Variants in KSR2 observed in about 807,000 individuals in gnomAD.
The protein encoded by KSR2 is kinase suppressor of ras 2.
KSR2 carries 25 observed loss-of-function variants against 107.8 expected under a neutral mutation model. The observed-to-expected ratio is 0.23, with a 90% CI of 0.17 to 0.32. The LOEUF (loss-of-function observed/expected upper bound fraction) is 0.32, where lower values mean the gene tolerates loss of function less well. Among genes scored for constraint, KSR2 ranks in the 10% least tolerant of loss-of-function variants. KSR2 has a pLI of 1.00. For missense variants in KSR2, 887 were observed against 1,268.9 expected (o/e 0.70, Z 4.57); for synonymous variants, 480 against 507.0 (o/e 0.95, Z 0.71).
At chr12:117,470,411 G>A (rs141848240) in intron 18 of KSR2, among the ~76,000 whole-genome samples, 97 of 151,502 alleles carry the variant, frequency 6.4e-4, no homozygotes, top group South Asian at 1.9e-3. Context: ...CCATCCATCC[G>A]TTTACCATCC....
chr12:117,633,158 T>C (rs556108536), intron 5 of KSR2, among the ~76,000 whole-genome samples: 115 of 152,370 alleles, frequency 7.5e-4, no homozygotes, highest in African/African-American at 2.7e-3. Flanking sequence ...AACTCCTGCC[T>C]TCATAATGTT....
At position 117,629,548 on chromosome 12, in the gene KSR2, C is replaced by G. The variant is rs564947339; in HGVS notation, c.1171+37926G>C. On this transcript the variant is annotated intron_variant, in intron 5 of 19. Transcript: ENST00000339824. ...TGGTCACAGATTTGATTTTGAGTTT[C>G]CTCGTGATCACAGCAAAAAGGAAAA... Among the ~76,000 whole-genome samples, 5 of 152,272 alleles carry G rather than the reference C, an allele frequency of 3.3e-5. No homozygotes were observed. The South Asian group carries it at 1.0e-3, about 32-fold the overall frequency.
At position 117,469,851 on chromosome 12, in the gene KSR2, T is replaced by G; in HGVS notation, c.2713-56A>C. The G allele has an allele frequency of 1.9e-6, 3 of 1,587,360 alleles. No homozygotes were observed. In the South Asian group the frequency reaches 3.4e-5, roughly 18 times the overall value. ...ATAAATGGTGATTTCTTGATTACTCTTTGGCATCACATTTGGTCTGCCAAT... is the reference window on the plus strand; with the variant it reads ...ATAAATGGTGATTTCTTGATTACTCGTTGGCATCACATTTGGTCTGCCAAT... On this transcript the variant is annotated intron_variant, in intron 18 of 19. Transcript: ENST00000339824.
chr12:117,645,097 G>A (rs972370643), intron 5 of KSR2, among the ~76,000 whole-genome samples: 1 of 152,144 alleles, frequency 6.6e-6, no homozygotes, highest in Admixed American at 6.5e-5. Context: ...CTAATACTGA[G>A]ACTCTTTTTC....
At chr12:117,935,847 T>C (rs1356338178) in intron 1 of KSR2, among the ~76,000 whole-genome samples, 1 of 152,168 alleles carries the variant, frequency 6.6e-6, no homozygotes, top group African/African-American at 2.4e-5. Context: ...CTCAGACACC[T>C]CAGGGGCTTG....
chr12:117,896,836 T>C (rs1894527439), intron 1 of KSR2, among the ~76,000 whole-genome samples: 1 of 152,196 alleles, frequency 6.6e-6, no homozygotes, highest in Non-Finnish European at 1.5e-5. Context: ...GAGTTATATG[T>C]CATTTTTTAA....
chr12:117,805,159 G>A (rs563076264), intron 3 of KSR2, among the ~76,000 whole-genome samples: 30 of 152,326 alleles, frequency 2.0e-4, no homozygotes, highest in South Asian at 6.2e-4. Flanking sequence ...AAACAGATGG[G>A]AAGTCCAGCT....
chr12:117,778,124 T>C (rs1889759496), intron 3 of KSR2, among the ~76,000 whole-genome samples: 1 of 152,212 alleles, frequency 6.6e-6, no homozygotes, highest in South Asian at 2.1e-4. Flanking sequence ...CAATTCTTCT[T>C]TACTTTTTTT....
chr12:117,950,391 G>A (rs1896326041), intron 1 of KSR2, among the ~76,000 whole-genome samples: 2 of 152,098 alleles, frequency 1.3e-5, no homozygotes, highest in Admixed American at 1.3e-4. Flanking sequence ...GTACCAGGTG[G>A]CAGATGCTCA....
At chr12:117,564,266 G>C (rs890535795) in intron 7 of KSR2, among the ~76,000 whole-genome samples, 4 of 152,196 alleles carry the variant, frequency 2.6e-5, no homozygotes, top group Admixed American at 2.6e-4. Flanking sequence ...AGGCACCAGG[G>C]AAGGTCCTAT....
At chr12:117,811,334 G>C (rs1267535988) in intron 3 of KSR2, among the ~76,000 whole-genome samples, 1 of 152,158 alleles carries the variant, frequency 6.6e-6, no homozygotes, top group African/African-American at 2.4e-5. Flanking sequence ...ATACTAGAAG[G>C]GATACAATTT....
chr12:117,780,668 A>G (rs542046807), intron 3 of KSR2, among the ~76,000 whole-genome samples: 6 of 152,364 alleles, frequency 3.9e-5, no homozygotes, highest in South Asian at 4.1e-4. Context: ...TAAACTGTAC[A>G]CTTAAAAATT....
At chr12:117,668,400 C>T (rs2136487774) in intron 4 of KSR2, among the ~76,000 whole-genome samples, 1 of 152,312 alleles carries the variant, frequency 6.6e-6, no homozygotes, top group East Asian at 1.9e-4. Context: ...TCCACCAGAT[C>T]ATAGGCTGGA....
chr12:117,461,105 G>C lies in KSR2; in HGVS notation c.*6094C>G, dbSNP rs891187214. Reference sequence around the variant, plus strand: ...AGCGCGGGCAACATAGCAAGACCCTGTCTGTACAACAAATAAAAAATTAGC... The same window carrying C: ...AGCGCGGGCAACATAGCAAGACCCTCTCTGTACAACAAATAAAAAATTAGC... On this transcript the variant is annotated 3_prime_UTR_variant, in exon 20 of 20. Coordinates refer to ENST00000339824, the MANE Select transcript of KSR2 (RefSeq NM_173598.6). 1.3e-5 allele frequency: 2 copies of C among 152,242 alleles called. No homozygotes were observed. The highest frequency in any genetic ancestry group is 4.8e-5 in the African/African-American group (2 of 41,434). 9.4% of individuals were successfully genotyped at this position (152,242 alleles called of 1,614,324 possible). A position where few individuals can be genotyped will look rare whatever the true frequency, so the allele number is the denominator to read the frequency against.
At chr12:117,921,849 A>G (rs1433355204) in intron 1 of KSR2, among the ~76,000 whole-genome samples, 1 of 152,174 alleles carries the variant, frequency 6.6e-6, no homozygotes, top group African/African-American at 2.4e-5. Context: ...GAGAAGATGC[A>G]TAGCTAGTAA....
chr12:117,848,741 G>A (rs529544346), intron 3 of KSR2, among the ~76,000 whole-genome samples: 6 of 152,160 alleles, frequency 3.9e-5, no homozygotes, highest in African/African-American at 1.4e-4. Flanking sequence ...GGCTGGAGGA[G>A]CCTGGTGATG....
At chr12:117,807,011 C>CA (rs1225143010) in intron 3 of KSR2, among the ~76,000 whole-genome samples, 2 of 152,184 alleles carry the variant, frequency 1.3e-5, no homozygotes, top group Admixed American at 6.5e-5. Context: ...AGGATGGAGA[C>CA]ACAGGCGCCT....
chr12:117,717,802 G>A (rs980068673), intron 4 of KSR2, among the ~76,000 whole-genome samples: 10 of 151,960 alleles, frequency 6.6e-5, no homozygotes, highest in Non-Finnish European at 1.2e-4. Context: ...TAGGCAAGAC[G>A]CCCAAGCTGA....
intron 4 of KSR2, among the ~76,000 whole-genome samples, chr12:117,731,824 TG>T (rs1887727108): frequency 6.7e-6 from 1 of 148,966 alleles, no homozygotes; most frequent in Non-Finnish European, 1.5e-5. Context: ...GTTAAACAGA[TG>T]CTTGAAGGCA....
Sources: allele counts gnomAD v4.1 joint callset (sites outside exome capture counted in the v4.1 genomes callset), GRCh38; gene constraint gnomAD v4.1.1; transcripts MANE v1.5; gene names NCBI Gene and HGNC (gene_info 2026-07-23, HGNC 2026-07-21).